The following INPP5A variants were observed in gnomAD, a reference collection of about 807,000 sequenced individuals.
INPP5A encodes inositol polyphosphate-5-phosphatase A, also known as 43 kDa inositol polyphosphate 5-phophatase.
INPP5A carries 14 observed loss-of-function variants against 65.2 expected under a neutral mutation model. The ratio of observed to expected loss-of-function variants is 0.21; its 90% CI spans 0.14 to 0.34. The LOEUF (loss-of-function observed/expected upper bound fraction) is 0.34, where lower values mean the gene tolerates loss of function less well. INPP5A is among the 10% of genes least tolerant of loss of function. The pLI is 1.00. For synonymous variants in INPP5A, 207 were observed against 208.3 expected, an observed-to-expected ratio of 0.99 and a Z score of 0.05; for missense variants, 431 against 545.6, an observed-to-expected ratio of 0.79 and a Z score of 2.09.
At chr10:132,631,578 T>C (rs2072273661) in intron 2 of INPP5A, among the ~76,000 whole-genome samples, 1 of 152,230 alleles carries the variant, frequency 6.6e-6, no homozygotes, top group Non-Finnish European at 1.5e-5. Context: ...ATACTCCTCT[T>C]TGGAGAACGC....
intron 2 of INPP5A, among the ~76,000 whole-genome samples, chr10:132,629,525 A>T (rs530261395): frequency 4.6e-5 from 7 of 152,328 alleles, no homozygotes; most frequent in African/African-American, 1.7e-4. Flanking sequence ...GGGAGACCTG[A>T]ACAGAAGGTT....
At chr10:132,633,948 C>T (rs1238048729) in intron 2 of INPP5A, among the ~76,000 whole-genome samples, 1 of 152,230 alleles carries the variant, frequency 6.6e-6, no homozygotes, top group Non-Finnish European at 1.5e-5. Context: ...GACCCCTCCA[C>T]CTGCTCTTCC....
At chr10:132,688,928 G>A (rs1386753711) in intron 4 of INPP5A, among the ~76,000 whole-genome samples, 2 of 152,030 alleles carry the variant, frequency 1.3e-5, no homozygotes, top group Admixed American at 6.6e-5. Flanking sequence ...GAGTGCATGT[G>A]TGCATGTTAG....
chr10:132,580,137 A>C (rs1054275115), intron 1 of INPP5A, among the ~76,000 whole-genome samples: 2 of 151,818 alleles, frequency 1.3e-5, no homozygotes, highest in African/African-American at 4.8e-5. Flanking sequence ...TTATTTGGCA[A>C]CTTGCAGTGG....
chr10:132,720,968 C>T (rs1381984834), intron 8 of INPP5A, among the ~76,000 whole-genome samples: 5 of 114,720 alleles, frequency 4.4e-5, no homozygotes, highest in African/African-American at 1.3e-4. Flanking sequence ...GGCTGTCTTG[C>T]GGGTTCTGTG....
chr10:132,565,276 G>A (rs1023206637), intron 1 of INPP5A, among the ~76,000 whole-genome samples: 1 of 152,142 alleles, frequency 6.6e-6, no homozygotes, highest in Non-Finnish European at 1.5e-5. Context: ...CACCTGGCCA[G>A]TTTTAAGTCT....
At chr10:132,596,933 A>ACGCATGTGTGCGCGTGTGCG (rs1188544412) in intron 1 of INPP5A, among the ~76,000 whole-genome samples, 43 of 6,762 alleles carry the variant, frequency 6.4e-3, no homozygotes, top group African/African-American at 9.1e-3. Flanking sequence ...GCGCATGTGC[A>ACGCATGTGTGCGCGTGTGCG]CGCATGTGTG....
chr10:132,739,983 G>A (rs141948506), intron 9 of INPP5A, among the ~76,000 whole-genome samples: 2 of 152,276 alleles, frequency 1.3e-5, no homozygotes, highest in East Asian at 3.9e-4. Flanking sequence ...GGCACTTTCC[G>A]TGGCCTCCCC....
At chr10:132,586,663 T>C (rs2071549095) in intron 1 of INPP5A, among the ~76,000 whole-genome samples, 2 of 152,262 alleles carry the variant, frequency 1.3e-5, no homozygotes, top group Non-Finnish European at 2.9e-5. Flanking sequence ...TACGGATACG[T>C]GCGCCAGAGC....
At chr10:132,758,121 G>A (rs374193454) in intron 11 of INPP5A, among the ~76,000 whole-genome samples, 6 of 124,594 alleles carry the variant, frequency 4.8e-5, no homozygotes, top group South Asian at 2.8e-4. Flanking sequence ...GTCCCCGGCC[G>A]ACCCCACAGG....
chr10:132,686,834 G>A (rs1330082413), intron 4 of INPP5A, among the ~76,000 whole-genome samples: 1 of 152,240 alleles, frequency 6.6e-6, no homozygotes, highest in Non-Finnish European at 1.5e-5. Flanking sequence ...TGATGTTGGT[G>A]GAGGAGACAT....
chr10:132,718,299 A>T (rs1332639032), intron 8 of INPP5A, among the ~76,000 whole-genome samples: 1 of 123,954 alleles, frequency 8.1e-6, no homozygotes, highest in Non-Finnish European at 1.7e-5. Flanking sequence ...CGCCTTAGAC[A>T]GCTGTCTTCA....
At position 132,727,254 on chromosome 10, in the gene INPP5A, C is replaced by T. The variant is rs570249303; in HGVS notation, c.732+349C>T. ...CTGCAGCCTCTGCAGAGTGTCAGCT[C>T]CTTCACACTGTCCAACTTGATCTCA... On this transcript the variant is annotated intron_variant, in intron 9 of 15. Transcript: ENST00000368594. The surrounding 1 kb of genome is among the most constrained non-coding windows in gnomAD (Gnocchi z 6.5). The T allele has an allele frequency of 1.3e-3, 281 of 215,170 alleles. 3 individuals are homozygous for T. The South Asian group carries it at 0.017, about 13-fold the overall frequency. The allele number at this position is 215,170 out of a possible 1,614,324, so 13.3% of individuals were successfully genotyped here. A position where few individuals can be genotyped will look rare whatever the true frequency, so the allele number is the denominator to read the frequency against.
chr10:132,770,421 C>T (rs550810549), intron 12 of INPP5A, among the ~76,000 whole-genome samples: 16 of 152,362 alleles, frequency 1.1e-4, no homozygotes, highest in African/African-American at 3.4e-4. Context: ...TCTGTGTGGA[C>T]GCTGAGCGTA....
intron 1 of INPP5A, among the ~76,000 whole-genome samples, chr10:132,554,404 C>T (rs1305592773): frequency 1.3e-5 from 2 of 152,058 alleles, no homozygotes; most frequent in South Asian, 2.1e-4. Flanking sequence ...GGGCAAGTGG[C>T]GGGGCTGGGT....
At chr10:132,631,699 G>A (rs1590881184) in intron 2 of INPP5A, among the ~76,000 whole-genome samples, 1 of 152,244 alleles carries the variant, frequency 6.6e-6, no homozygotes, top group Non-Finnish European at 1.5e-5. Context: ...GGCCCTTCGT[G>A]CTGGGCCCCG....
intron 3 of INPP5A, among the ~76,000 whole-genome samples, chr10:132,646,304 A>G (rs1481493535): frequency 6.6e-6 from 1 of 152,142 alleles, no homozygotes; most frequent in African/African-American, 2.4e-5. Flanking sequence ...GCCGGGGTTC[A>G]CATCCCACTG....
intron 1 of INPP5A, among the ~76,000 whole-genome samples, chr10:132,591,407 G>A (rs535007123): frequency 6.6e-6 from 1 of 152,200 alleles, no homozygotes; most frequent in African/African-American, 2.4e-5. Context: ...CTATTTCTGC[G>A]CTCGCTTGGA....
intron 9 of INPP5A, among the ~76,000 whole-genome samples, chr10:132,736,657 G>A (rs184557715): frequency 3.9e-5 from 6 of 152,354 alleles, no homozygotes; most frequent in African/African-American, 7.2e-5. Context: ...GACCATGGCC[G>A]GCAAGAGCAG....
Sources: gnomAD v4.1 joint callset for allele counts (sites outside exome capture counted in the v4.1 genomes callset) on GRCh38, gnomAD v4.1.1 for gene constraint, Gnocchi (gnomAD v3.1) non-coding constraint, MANE v1.5 for transcripts, NCBI Gene and HGNC (gene_info 2026-07-23, HGNC 2026-07-21) for gene names.